Variants in GUCY1A2 observed in about 807,000 individuals in gnomAD.
GUCY1A2 encodes the protein guanylate cyclase 1 soluble subunit alpha 2.
Under a neutral mutation model 63.5 loss-of-function variants are expected in GUCY1A2, and 27 were observed. The observed-to-expected ratio is 0.43, with a 90% CI of 0.31 to 0.59. The LOEUF (loss-of-function observed/expected upper bound fraction) is 0.59. Ranked by LOEUF, GUCY1A2 falls within the 20% of genes least tolerant of loss-of-function variation. GUCY1A2 has a pLI of 0.11. For synonymous variants in GUCY1A2, 364 were observed against 343.5 expected (o/e 1.06, Z -0.66); for missense variants, 768 against 913.3 (o/e 0.84, Z 2.05).
At chr11:106,827,224 C>A in intron 4 of GUCY1A2, 2 of 1,532,178 alleles carry the variant, frequency 1.3e-6, no homozygotes, top group Non-Finnish European at 1.8e-6. Context: ...TTTAGATTTG[C>A]TTCTAGCTTC....
chr11:106,919,292 A>C (rs72990356), intron 4 of GUCY1A2, among the ~76,000 whole-genome samples: 23,496 of 152,116 alleles, frequency 0.15, 2,147 homozygotes, highest in South Asian at 0.28. Flanking sequence ...AATAAGTTCT[A>C]AGAATCTAAT....
rs1215730244 is a variant in GUCY1A2, at chr11:106,939,931, A to C, written c.735T>G (p.Ile245Met). Residue 245 changes from isoleucine (I) to methionine (M), a missense_variant, in exon 4 of 8, where the codon ATT becomes ATG. Ile to Met is a conservative substitution (Grantham distance 10, BLOSUM62 1). This residue lies in a region of GUCY1A2 where 496 missense variants were observed against 486.9 expected (regional missense o/e 1.02). Coordinates refer to ENST00000526355, the MANE Select transcript of GUCY1A2 (RefSeq NM_000855.3). ...LMLHYFHPHH[I>M]VGFAMLGMIK... Reference sequence around the variant, plus strand: ...TCATCCCCAGCATTGCAAACCCCACAATATGGTGAGGGTGGAAGTAGTGGA... The same window carrying C: ...TCATCCCCAGCATTGCAAACCCCACCATATGGTGAGGGTGGAAGTAGTGGA... The C allele has an allele frequency of 6.2e-7, 1 of 1,613,830 alleles. No homozygotes were observed. The highest frequency in any genetic ancestry group is 8.5e-7 in the Non-Finnish European group (1 of 1,179,788).
chr11:107,008,186 G>A (rs1399917086), intron 1 of GUCY1A2, among the ~76,000 whole-genome samples: 1 of 146,644 alleles, frequency 6.8e-6, no homozygotes, highest in Non-Finnish European at 1.5e-5. Context: ...GGCTGAGGCA[G>A]GAGAATCGCT....
chr11:106,853,601 G>A lies in GUCY1A2; in HGVS notation c.1207-43123C>T, dbSNP rs554191823. 2.2e-4 allele frequency among the ~76,000 whole-genome samples: 33 copies of A among 152,002 alleles called. No homozygotes were observed. In the East Asian group the frequency reaches 4.8e-3, roughly 22 times the overall value. On this transcript the variant is annotated intron_variant, in intron 4 of 7. Coordinates refer to ENST00000526355, the MANE Select transcript of GUCY1A2 (RefSeq NM_000855.3). Reference sequence around the variant, plus strand: ...TCTGTGTTGTCTTGTATCTCACTAAGTTTCCTTAAGATCATTATTTTGAAT... The same window carrying A: ...TCTGTGTTGTCTTGTATCTCACTAAATTTCCTTAAGATCATTATTTTGAAT...
chr11:106,721,524 C>T (rs1194102618), intron 6 of GUCY1A2, among the ~76,000 whole-genome samples: 1 of 152,158 alleles, frequency 6.6e-6, no homozygotes, highest in Non-Finnish European at 1.5e-5. Context: ...TTTGTACATA[C>T]ACCCCATACT....
chr11:107,008,095 C>A (rs1156675241), intron 1 of GUCY1A2, among the ~76,000 whole-genome samples: 1 of 149,176 alleles, frequency 6.7e-6, no homozygotes, highest in Non-Finnish European at 1.5e-5. Flanking sequence ...CCAGGCCCAG[C>A]CAATATGGCG....
At chr11:106,854,128 C>T (rs779187154) in intron 4 of GUCY1A2, among the ~76,000 whole-genome samples, 1 of 152,176 alleles carries the variant, frequency 6.6e-6, no homozygotes, top group Non-Finnish European at 1.5e-5. Context: ...CCTCAAGCCC[C>T]AGGCAGCATG....
At chr11:106,887,921 T>C (rs1859920796) in intron 4 of GUCY1A2, among the ~76,000 whole-genome samples, 1 of 152,114 alleles carries the variant, frequency 6.6e-6, no homozygotes, top group Non-Finnish European at 1.5e-5. Flanking sequence ...TTGTCAACGG[T>C]TGCAATTTAT....
chr11:106,874,983 G>C (rs1352735026), intron 4 of GUCY1A2, among the ~76,000 whole-genome samples: 1 of 150,260 alleles, frequency 6.7e-6, no homozygotes, highest in South Asian at 2.1e-4. Context: ...TTTATTGCTA[G>C]TGAAATAAAG....
intron 7 of GUCY1A2, among the ~76,000 whole-genome samples, chr11:106,698,049 C>T (rs948564639): frequency 6.0e-5 from 9 of 150,186 alleles, no homozygotes; most frequent in African/African-American, 1.7e-4. Context: ...TTCAGTGGGT[C>T]TCTAATAATA....
chr11:106,919,876 C>A (rs1430906990), intron 4 of GUCY1A2, among the ~76,000 whole-genome samples: 2 of 152,038 alleles, frequency 1.3e-5, no homozygotes, highest in African/African-American at 2.4e-5. Flanking sequence ...TGGAGTTTAT[C>A]TACCAAAAGT....
At chr11:106,847,096 A>T (rs1859283601) in intron 4 of GUCY1A2, among the ~76,000 whole-genome samples, 1 of 151,322 alleles carries the variant, frequency 6.6e-6, no homozygotes, top group African/African-American at 2.4e-5. Context: ...CAATCCTTAT[A>T]AAAACCATAG....
chr11:106,746,548 T>A (rs1202605508), intron 6 of GUCY1A2: 15 of 1,550,108 alleles, frequency 9.7e-6, no homozygotes, highest in Non-Finnish European at 1.3e-5. Context: ...TGAAGCTCAT[T>A]ACCTTTTCAG....
Position 106,687,615 on chromosome 11 carries a change from A to C in GUCY1A2, c.2133T>G (p.Ser711=). ...TGPKPPKPSL[S]SSRIKKVSYN... ...AGGAAACCTTTTTTATTCTCGACGA[A>C]GAAAGAGAAGGCTTTGGTGGCTTTG... is the stretch of plus-strand genomic sequence containing the variant. The change falls in exon 8 of 8, where the codon TCT becomes TCG. Residue 711 remains serine, a synonymous_variant. Transcript: ENST00000526355. 6.2e-7 allele frequency: 1 copy of C among 1,614,056 alleles called. No homozygotes were observed. The highest frequency in any genetic ancestry group is 8.5e-7 in the Non-Finnish European group (1 of 1,179,924).
chr11:106,847,971 G>C (rs1048249637), intron 4 of GUCY1A2, among the ~76,000 whole-genome samples: 1 of 151,496 alleles, frequency 6.6e-6, no homozygotes, highest in Non-Finnish European at 1.5e-5. Flanking sequence ...ACTGCAATAA[G>C]AGTGCAAAAC....
At chr11:106,830,421 T>C (rs1859034521) in intron 4 of GUCY1A2, among the ~76,000 whole-genome samples, 2 of 152,216 alleles carry the variant, frequency 1.3e-5, no homozygotes, top group Non-Finnish European at 2.9e-5. Flanking sequence ...TTCCTGGGTG[T>C]GTCTGTGAGG....
At chr11:106,725,809 T>C (rs112072945) in intron 6 of GUCY1A2, among the ~76,000 whole-genome samples, 13 of 152,142 alleles carry the variant, frequency 8.5e-5, no homozygotes, top group African/African-American at 3.1e-4. Flanking sequence ...AATTAAATGC[T>C]TGACTCTCCA....
chr11:106,757,311 G>A (rs1304800042), intron 6 of GUCY1A2, among the ~76,000 whole-genome samples: 1 of 152,056 alleles, frequency 6.6e-6, no homozygotes, highest in African/African-American at 2.4e-5. Context: ...CTTTAGCTCG[G>A]AGAAGTTTGT....
chr11:106,838,393 A>T (rs1252734161), intron 4 of GUCY1A2, among the ~76,000 whole-genome samples: 5 of 152,012 alleles, frequency 3.3e-5, no homozygotes, highest in Non-Finnish European at 5.9e-5. Flanking sequence ...GAAAATGTAT[A>T]AAGTTGAAAA....
Sources: allele counts gnomAD v4.1 joint callset (sites outside exome capture counted in the v4.1 genomes callset), GRCh38; gene constraint gnomAD v4.1.1; regional missense constraint gnomAD v4.1.1; transcripts MANE v1.5; gene names NCBI Gene and HGNC (gene_info 2026-07-23, HGNC 2026-07-21).